LRRTM4: variants seen among roughly 807,000 people sequenced by gnomAD.
LRRTM4 encodes the protein leucine rich repeat transmembrane neuronal 4, also known as leucine-rich repeat transmembrane neuronal protein 4.
A neutral mutation model predicts 47.6 loss-of-function variants in LRRTM4; 25 were observed. The ratio of observed to expected loss-of-function variants is 0.53; its 90% CI spans 0.38 to 0.73. The LOEUF is 0.73. LRRTM4 is among the 30% of genes least tolerant of loss of function. The pLI, the probability that LRRTM4 is intolerant of heterozygous loss-of-function variation, is 0.00. For synonymous variants in LRRTM4, 311 were observed against 269.5 expected (o/e 1.15, Z -1.51); for missense variants, 638 against 713.4 (o/e 0.89, Z 1.20).
At chr2:76,936,988 G>T (rs1180396103) in intron 3 of LRRTM4, among the ~76,000 whole-genome samples, 3 of 81,966 alleles carry the variant, frequency 3.7e-5, no homozygotes, top group Non-Finnish European at 7.1e-5. Flanking sequence ...AAAAAAAAGA[G>T]CACATAAGTA....
chr2:76,891,931 A>G (rs1340108475), intron 3 of LRRTM4, among the ~76,000 whole-genome samples: 2 of 151,748 alleles, frequency 1.3e-5, no homozygotes, highest in South Asian at 2.1e-4. Flanking sequence ...AAATTGCTGT[A>G]TATGTCACAG....
chr2:77,188,426 A>G (rs1284804238), intron 3 of LRRTM4, among the ~76,000 whole-genome samples: 1 of 152,156 alleles, frequency 6.6e-6, no homozygotes, highest in Non-Finnish European at 1.5e-5. Flanking sequence ...TTCATTAATG[A>G]AACATATCAT....
intron 3 of LRRTM4, among the ~76,000 whole-genome samples, chr2:77,509,577 T>C (rs1330762010): frequency 1.3e-5 from 2 of 152,156 alleles, no homozygotes; most frequent in African/African-American, 4.8e-5. Context: ...GGGAGTATTA[T>C]AACCATCATC....
At chr2:76,935,578 G>C (rs1055599786) in intron 3 of LRRTM4, among the ~76,000 whole-genome samples, 12 of 152,144 alleles carry the variant, frequency 7.9e-5, no homozygotes, top group African/African-American at 2.9e-4. Context: ...TCCCTTGTAA[G>C]TTGTATTCCT....
chr2:77,457,004 G>GTA (rs1171771344), intron 3 of LRRTM4, among the ~76,000 whole-genome samples: 1,001 of 22,796 alleles, frequency 0.044, 11 homozygotes, highest in African/African-American at 0.059. Context: ...GTGTGTGTGT[G>GTA]TATATATATA....
intron 3 of LRRTM4, among the ~76,000 whole-genome samples, chr2:77,306,895 A>ATTTTTTTTTTTTTTTTTT (rs1491512359): frequency 2.4e-5 from 3 of 125,586 alleles, no homozygotes; most frequent in African/African-American, 1.2e-4. Context: ...CTGCTTTTCC[A>ATTTTTTTTTTTTTTTTTT]TATTTTTTTT....
In LRRTM4 at chr2:77,067,714, CACAT is replaced by C. The variant is rs779122800; in HGVS notation, c.1552-318802_1552-318799del. On this transcript the variant is annotated intron_variant, in intron 3 of 3. Coordinates refer to ENST00000409884, the MANE Select transcript of LRRTM4 (RefSeq NM_001134745.3). ...ACACACACACACACACACACACACACACATACATATTTCAGGAAAAATGAAGAAA... is the reference window on the plus strand; with the variant it reads ...ACACACACACACACACACACACACACACATATTTCAGGAAAAATGAAGAAA... Among the ~76,000 whole-genome samples the C allele has an allele frequency of 4.2e-3, 638 of 151,132 alleles. 9 individuals carry two copies. Among genetic ancestry groups the C allele is most frequent in the Non-Finnish European group, 2.7e-3 (183 of 67,784 alleles).
intron 3 of LRRTM4, among the ~76,000 whole-genome samples, chr2:76,975,430 T>TTTA (rs1160294552): frequency 2.1e-5 from 3 of 139,890 alleles, no homozygotes; most frequent in African/African-American, 5.7e-5. Flanking sequence ...TTATTTATTA[T>TTTA]TTATTTTAAG....
At chr2:76,901,872 T>C (rs1025429329) in intron 3 of LRRTM4, among the ~76,000 whole-genome samples, 4 of 152,178 alleles carry the variant, frequency 2.6e-5, no homozygotes, top group African/African-American at 9.7e-5. Flanking sequence ...TGTGTGCATT[T>C]GAGGAGTATC....
intron 3 of LRRTM4, among the ~76,000 whole-genome samples, chr2:77,188,812 T>C (rs558390264): frequency 2.0e-5 from 3 of 152,316 alleles, no homozygotes; most frequent in African/African-American, 7.2e-5. Flanking sequence ...GGTGCTCAAG[T>C]CGGAAGCATG....
At chr2:77,201,839 A>G (rs1310019970) in intron 3 of LRRTM4, among the ~76,000 whole-genome samples, 1 of 152,110 alleles carries the variant, frequency 6.6e-6, no homozygotes, top group Non-Finnish European at 1.5e-5. Context: ...GTACTTATCA[A>G]ATTTCTAAAT....
At chr2:77,018,495 G>A (rs1044119949) in intron 3 of LRRTM4, among the ~76,000 whole-genome samples, 4 of 152,024 alleles carry the variant, frequency 2.6e-5, no homozygotes, top group South Asian at 2.1e-4. Flanking sequence ...ATGGATTAAC[G>A]CATGATGGCT....
chr2:77,344,739 T>C (rs1671498898), intron 3 of LRRTM4, among the ~76,000 whole-genome samples: 1 of 151,460 alleles, frequency 6.6e-6, no homozygotes, highest in African/African-American at 2.4e-5. Context: ...CTATGCTGAG[T>C]TATATCCCAA....
intron 3 of LRRTM4, among the ~76,000 whole-genome samples, chr2:77,488,961 GCA>G (rs1678031689): frequency 1.3e-5 from 2 of 150,068 alleles, no homozygotes; most frequent in Admixed American, 6.6e-5. Flanking sequence ...TAACAAACCT[GCA>G]CATAGTGCAC....
chr2:77,221,248 A>C (rs1241970764), intron 3 of LRRTM4, among the ~76,000 whole-genome samples: 2 of 152,206 alleles, frequency 1.3e-5, no homozygotes, highest in Non-Finnish European at 2.9e-5. Context: ...CCACTGCAAA[A>C]ACATGCCAAA....
intron 3 of LRRTM4, among the ~76,000 whole-genome samples, chr2:76,904,285 C>T (rs140789720): frequency 6.6e-6 from 1 of 152,098 alleles, no homozygotes; most frequent in African/African-American, 2.4e-5. Context: ...TTGAGAACCA[C>T]GTTTTTTAAA....
At chr2:77,213,348 C>T (rs1175321953) in intron 3 of LRRTM4, among the ~76,000 whole-genome samples, 1 of 152,058 alleles carries the variant, frequency 6.6e-6, no homozygotes, top group African/African-American at 2.4e-5. Flanking sequence ...CAACCAGCTC[C>T]TCTACTACTT....
At chr2:77,124,705 G>A (rs765548182) in intron 3 of LRRTM4, among the ~76,000 whole-genome samples, 2 of 152,034 alleles carry the variant, frequency 1.3e-5, no homozygotes, top group Non-Finnish European at 2.9e-5. Flanking sequence ...ATTCAGTTTT[G>A]TATTCCTCTA....
chr2:77,061,549 T>C (rs972588110), intron 3 of LRRTM4, among the ~76,000 whole-genome samples: 14 of 152,166 alleles, frequency 9.2e-5, no homozygotes, highest in Non-Finnish European at 1.5e-4. Context: ...CATTCAAATC[T>C]CTCCAGAAAG....
Sources: gnomAD v4.1 joint callset for allele counts (sites outside exome capture counted in the v4.1 genomes callset) on GRCh38, gnomAD v4.1.1 for gene constraint, MANE v1.5 for transcripts, NCBI Gene and HGNC (gene_info 2026-07-23, HGNC 2026-07-21) for gene names.